LRRC7: variants seen among roughly 807,000 people sequenced by gnomAD.
LRRC7 encodes the protein leucine-rich repeat-containing protein 7.
In LRRC7, 23 loss-of-function variants were observed where a neutral mutation model predicts 175.7. The ratio of observed to expected loss-of-function variants is 0.13; its 90% confidence interval spans 0.09 to 0.19. The LOEUF is 0.19. Ranked by LOEUF, LRRC7 falls within the 10% of genes least tolerant of loss-of-function variation. The pLI is 1.00. For synonymous variants in LRRC7, 685 were observed against 680.9 expected (o/e 1.01, Z -0.09); for missense variants, 1,354 against 1,904.7 (o/e 0.71, Z 5.38).
intron 2 of LRRC7, among the ~76,000 whole-genome samples, chr1:69,733,824 A>G (rs553475305): frequency 1.4e-4 from 21 of 152,170 alleles, no homozygotes; most frequent in Admixed American, 7.2e-4. Context: ...TAATGCATCT[A>G]TAATAGCAGA....
In LRRC7 at chr1:69,760,264, A is replaced by C; in HGVS notation, c.174A>C (p.Glu58Asp). 4.3e-6 allele frequency: 7 copies of C among 1,612,860 alleles called. No individual in the cohort carries two copies. Among genetic ancestry groups the C allele is most frequent in the Non-Finnish European group, 5.9e-6 (7 of 1,179,308 alleles). Reference sequence around the variant, plus strand: ...TGCCATGCCGATGTTTCCGAGGTGAAGAAGAAATCATCTCAGTTTTAGATT... The same window carrying C: ...TGCCATGCCGATGTTTCCGAGGTGACGAAGAAATCATCTCAGTTTTAGATT... The part of the protein sequence containing the change: ...RLVPCRCFRG[E>D]EEIISVLDYS... Residue 58 changes from glutamate to aspartate, a missense_variant, in exon 3 of 27, where the codon GAA (glutamate) becomes GAC (aspartate). Glu to Asp is a conservative substitution (Grantham distance 45, BLOSUM62 2). This residue lies in a region of LRRC7 where 68 missense variants were observed against 83.4 expected (regional missense o/e 0.82). Coordinates refer to ENST00000651989, the MANE Select transcript of LRRC7 (RefSeq NM_001370785.2).
intron 4 of LRRC7, among the ~76,000 whole-genome samples, chr1:69,801,989 A>G (rs1299828608): frequency 6.6e-6 from 1 of 150,868 alleles, no homozygotes; most frequent in South Asian, 2.1e-4. Flanking sequence ...AACATTGTTC[A>G]GGGGTATATT....
At chr1:70,049,420 T>C (rs1485446383) in intron 22 of LRRC7, among the ~76,000 whole-genome samples, 1 of 152,098 alleles carries the variant, frequency 6.6e-6, no homozygotes, top group East Asian at 1.9e-4. Context: ...TTTAATGCAG[T>C]TTTTTTCTGC....
At chr1:69,888,478 C>T (rs562392504) in intron 7 of LRRC7, among the ~76,000 whole-genome samples, 44 of 152,202 alleles carry the variant, frequency 2.9e-4, no homozygotes, top group African/African-American at 7.2e-4. Context: ...CTTTGGCTCG[C>T]GCACGGTGCG....
chr1:69,587,313 T>TCCCCAGTTCA (rs1460482182), intron 1 of LRRC7, among the ~76,000 whole-genome samples: 1 of 152,150 alleles, frequency 6.6e-6, no homozygotes, highest in Admixed American at 6.6e-5. Flanking sequence ...CCACAACAGT[T>TCCCCAGTTCA]CCCCAGTTCA....
At chr1:69,652,848 G>C (rs1402339032) in intron 1 of LRRC7, among the ~76,000 whole-genome samples, 1 of 152,040 alleles carries the variant, frequency 6.6e-6, no homozygotes, top group Non-Finnish European at 1.5e-5. Context: ...ATGTTCAAAT[G>C]ATCTTTGTCA....
intron 7 of LRRC7, among the ~76,000 whole-genome samples, chr1:69,855,431 C>T (rs370560388): frequency 6.6e-5 from 10 of 152,028 alleles, no homozygotes; most frequent in South Asian, 2.1e-4. Context: ...TGTAGTTGAG[C>T]GGTTTTGAGT....
intron 24 of LRRC7, among the ~76,000 whole-genome samples, chr1:70,078,731 G>A (rs1662964981): frequency 6.6e-6 from 1 of 151,564 alleles, no homozygotes; most frequent in Non-Finnish European, 1.5e-5. Flanking sequence ...TGAGAACATT[G>A]CTACCCACCA....
At chr1:69,810,922 T>C (rs1471311784) in intron 4 of LRRC7, among the ~76,000 whole-genome samples, 1 of 152,100 alleles carries the variant, frequency 6.6e-6, no homozygotes, top group Admixed American at 6.5e-5. Flanking sequence ...AATTGACAAC[T>C]GGGATCTAAT....
At chr1:70,003,933 T>C (rs1362331134) in intron 11 of LRRC7, among the ~76,000 whole-genome samples, 1 of 152,182 alleles carries the variant, frequency 6.6e-6, no homozygotes, top group African/African-American at 2.4e-5. Context: ...CTTTAAACAA[T>C]ATTTCACATT....
chr1:69,607,785 T>C (rs1055692858), intron 1 of LRRC7: 6 of 152,178 alleles, frequency 3.9e-5, no homozygotes, highest in African/African-American at 1.4e-4. Flanking sequence ...CAGTAGATTA[T>C]GTTCAACTAG....
chr1:69,783,527 C>CAGGCAGATCACCTGAGGT (rs1475485138), intron 3 of LRRC7, among the ~76,000 whole-genome samples: 1 of 152,034 alleles, frequency 6.6e-6, no homozygotes, highest in Non-Finnish European at 1.5e-5. Context: ...GAGGCCGAGG[C>CAGGCAGATCACCTGAGGT]AGGCAGATCA....
intron 6 of LRRC7, 108 bp downstream of exon 6, chr1:69,834,977 C>G: frequency 1.3e-6 from 1 of 774,584 alleles, no homozygotes; most frequent in Non-Finnish European, 2.1e-6. Context: ...TAAAGATAGG[C>G]CTCATTATTA....
At chr1:69,724,918 G>C (rs957724970) in intron 2 of LRRC7, among the ~76,000 whole-genome samples, 1 of 151,904 alleles carries the variant, frequency 6.6e-6, no homozygotes, top group Admixed American at 6.6e-5. Flanking sequence ...TTTAAAGTGT[G>C]ATAAGCTTAT....
chr1:69,917,339 C>T (rs1356301697), intron 7 of LRRC7, among the ~76,000 whole-genome samples: 3 of 152,096 alleles, frequency 2.0e-5, no homozygotes, highest in Non-Finnish European at 4.4e-5. Context: ...AATGGACTTC[C>T]ATGTGGAGAA....
intron 5 of LRRC7, among the ~76,000 whole-genome samples, chr1:69,833,709 T>C (rs1680795787): frequency 1.3e-5 from 2 of 151,992 alleles, no homozygotes; most frequent in Admixed American, 1.3e-4. Context: ...ATGGCAACTG[T>C]TGCTAGGCAG....
At chr1:70,085,311 A>G (rs888535872) in intron 24 of LRRC7, among the ~76,000 whole-genome samples, 8 of 152,138 alleles carry the variant, frequency 5.3e-5, no homozygotes, top group African/African-American at 1.7e-4. Flanking sequence ...ACTTTTGTGT[A>G]TGGTGTGAGA....
chr1:69,938,837 A>G (rs992031573), intron 8 of LRRC7, among the ~76,000 whole-genome samples: 1 of 151,702 alleles, frequency 6.6e-6, no homozygotes, highest in African/African-American at 2.4e-5. Context: ...AAATTGTATA[A>G]TTTATTCTTC....
chr1:69,873,418 A>C (rs909422185), intron 7 of LRRC7: 6 of 533,144 alleles, frequency 1.1e-5, no homozygotes, highest in African/African-American at 3.9e-5. Flanking sequence ...CACCTTCTGC[A>C]TTAGGAGTTC....
Sources: allele counts gnomAD v4.1 joint callset (sites outside exome capture counted in the v4.1 genomes callset), GRCh38; gene constraint gnomAD v4.1.1; regional missense constraint gnomAD v4.1.1; transcripts MANE v1.5; gene names NCBI Gene and HGNC (gene_info 2026-07-23, HGNC 2026-07-21).